ANKS1B: variants seen among roughly 807,000 people sequenced by gnomAD.
The protein encoded by ANKS1B is ankyrin repeat and sterile alpha motif domain-containing protein 1B.
A neutral mutation model predicts 148.3 loss-of-function variants in ANKS1B; 36 were observed. The observed-to-expected ratio is 0.24, with a 90% CI of 0.19 to 0.32. The LOEUF (loss-of-function observed/expected upper bound fraction) is 0.32, where lower values mean the gene tolerates loss of function less well. ANKS1B is among the 10% of genes least tolerant of loss of function. The probability of loss-of-function intolerance (pLI) is 1.00; values close to 1 mark genes in which losing one functional copy is unlikely to be tolerated. For synonymous variants in ANKS1B, 542 were observed against 560.8 expected, an observed-to-expected ratio of 0.97 and a Z score of 0.47; for missense variants, 1,157 against 1,542.6, an observed-to-expected ratio of 0.75 and a Z score of 4.19.
At chr12:99,905,898 T>C (rs1172732928) in intron 1 of ANKS1B, among the ~76,000 whole-genome samples, 1 of 152,172 alleles carries the variant, frequency 6.6e-6, no homozygotes, top group Non-Finnish European at 1.5e-5. Flanking sequence ...GAGAGCAACA[T>C]ATGAATTTAA....
At chr12:99,218,957 A>G (rs1029228575) in intron 14 of ANKS1B, among the ~76,000 whole-genome samples, 10 of 152,244 alleles carry the variant, frequency 6.6e-5, no homozygotes, top group African/African-American at 2.4e-4. Context: ...ATACATAAAC[A>G]TGAAATCATA....
At chr12:99,172,055 A>T (rs1378355663) in intron 14 of ANKS1B, among the ~76,000 whole-genome samples, 2 of 152,214 alleles carry the variant, frequency 1.3e-5, no homozygotes, top group Non-Finnish European at 2.9e-5. Context: ...AGACCATCTA[A>T]TCTGTGCCTT....
At chr12:99,046,352 C>A (rs1292555104) in intron 17 of ANKS1B, among the ~76,000 whole-genome samples, 1 of 151,588 alleles carries the variant, frequency 6.6e-6, no homozygotes, top group Non-Finnish European at 1.5e-5. Context: ...TGCAAAAAAA[C>A]AGCAAGGAGA....
chr12:99,472,468 C>A (rs981421157), intron 10 of ANKS1B, among the ~76,000 whole-genome samples: 2 of 152,056 alleles, frequency 1.3e-5, no homozygotes, highest in African/African-American at 4.8e-5. Flanking sequence ...TTAATAAATA[C>A]ATGCAAGATA....
chr12:99,125,353 G>A (rs6538900), intron 15 of ANKS1B, among the ~76,000 whole-genome samples: 101,663 of 152,086 alleles, frequency 0.67, 34,347 homozygotes, highest in East Asian at 0.84. Context: ...CATTTCTTTG[G>A]GAGGGAGAAT....
At chr12:98,873,207 T>C (rs1048847747) in intron 17 of ANKS1B, among the ~76,000 whole-genome samples, 14 of 152,310 alleles carry the variant, frequency 9.2e-5, no homozygotes, top group African/African-American at 2.6e-4. Context: ...TTGCTTCCAT[T>C]GGCAACTCCT....
chr12:99,342,633 G>C (rs1472937170), intron 12 of ANKS1B, among the ~76,000 whole-genome samples: 1 of 152,042 alleles, frequency 6.6e-6, no homozygotes, highest in Non-Finnish European at 1.5e-5. Flanking sequence ...GGCGAGGCCA[G>C]AGTGGTAAAC....
At chr12:99,761,569 T>TG (rs2062119086) in intron 8 of ANKS1B, among the ~76,000 whole-genome samples, 1 of 152,066 alleles carries the variant, frequency 6.6e-6, no homozygotes, top group Admixed American at 6.6e-5. Flanking sequence ...AAGCCATCTA[T>TG]GACAAACTCA....
chr12:99,466,319 G>C (rs2096112601), intron 10 of ANKS1B, among the ~76,000 whole-genome samples: 1 of 152,168 alleles, frequency 6.6e-6, no homozygotes, highest in Non-Finnish European at 1.5e-5. Context: ...AGCACTAAAT[G>C]CTCACGAGAG....
chr12:99,624,041 C>T (rs1392666260), intron 9 of ANKS1B, among the ~76,000 whole-genome samples: 2 of 152,010 alleles, frequency 1.3e-5, no homozygotes, highest in Non-Finnish European at 2.9e-5. Context: ...CAGCATGGTA[C>T]TCTTACAAAA....
At chr12:99,636,928 G>GA (rs2098243063) in intron 9 of ANKS1B, among the ~76,000 whole-genome samples, 1 of 152,098 alleles carries the variant, frequency 6.6e-6, no homozygotes, top group Non-Finnish European at 1.5e-5. Flanking sequence ...ATTCACATGA[G>GA]AAAAAATACA....
chr12:99,868,784 GT>G (rs2091087718), intron 1 of ANKS1B, among the ~76,000 whole-genome samples: 1 of 152,162 alleles, frequency 6.6e-6, no homozygotes, highest in African/African-American at 2.4e-5. Context: ...GAGGCCGGGT[GT>G]GGTGGCTCAA....
At chr12:99,027,252 G>A (rs1237807872) in intron 17 of ANKS1B, among the ~76,000 whole-genome samples, 3 of 152,140 alleles carry the variant, frequency 2.0e-5, no homozygotes, top group Non-Finnish European at 4.4e-5. Flanking sequence ...TCTTGTTACT[G>A]GAAATATGTT....
intron 17 of ANKS1B, chr12:98,894,904 G>GC (rs1349003646): frequency 1.2e-5 from 11 of 893,590 alleles, no homozygotes; most frequent in African/African-American, 1.9e-5. Flanking sequence ...CACTGCCCCC[G>GC]CCCCCCGCGC....
chr12:99,134,641 TCTCTCACACACA>T lies in ANKS1B; in HGVS notation c.2526+19636_2526+19647del, dbSNP rs1311026450. Among the ~76,000 whole-genome samples the T allele has an allele frequency of 9.8e-5, 8 of 81,760 alleles. No individual in the cohort carries two copies. In the South Asian group the frequency reaches 1.5e-3, roughly 15 times the overall value. 53.6% of individuals were successfully genotyped at this position (81,760 alleles called of 152,430 possible). On this transcript the variant is annotated intron_variant, in intron 15 of 26. Transcript: ENST00000683438. ...CTATCCCTTTCTGTCTCTCTCTCTC[TCTCTCACACACA>T]CACACACACACACACACACACACAC...
intron 9 of ANKS1B, among the ~76,000 whole-genome samples, chr12:99,522,226 AC>A (rs1331499101): frequency 1.3e-5 from 2 of 152,120 alleles, no homozygotes; most frequent in African/African-American, 2.4e-5. Context: ...TTGGTCTTTG[AC>A]AGTTCTCTTC....
chr12:99,453,346 A>G (rs1383466981), intron 10 of ANKS1B, among the ~76,000 whole-genome samples: 1 of 152,070 alleles, frequency 6.6e-6, no homozygotes, highest in East Asian at 1.9e-4. Context: ...TTCTGGGAAT[A>G]GGTTATAAAA....
At chr12:99,732,649 T>C (rs2059273635) in intron 8 of ANKS1B, among the ~76,000 whole-genome samples, 1 of 152,210 alleles carries the variant, frequency 6.6e-6, no homozygotes, top group Non-Finnish European at 1.5e-5. Context: ...AAATATTTTA[T>C]ATCTTTATTA....
chr12:99,239,103 G>A (rs181474941), intron 14 of ANKS1B, among the ~76,000 whole-genome samples: 115 of 152,150 alleles, frequency 7.6e-4, no homozygotes, highest in Non-Finnish European at 1.5e-3. Flanking sequence ...CAGAAGGTTG[G>A]AATAACAAAC....
Sources: allele counts gnomAD v4.1 joint callset (sites outside exome capture counted in the v4.1 genomes callset), GRCh38; gene constraint gnomAD v4.1.1; transcripts MANE v1.5; gene names NCBI Gene and HGNC (gene_info 2026-07-23, HGNC 2026-07-21).